RP1: variants seen among roughly 807,000 people sequenced by gnomAD.
The protein encoded by RP1 is RP1 axonemal microtubule associated.
Under a neutral mutation model 14.8 loss-of-function variants are expected in RP1, and 16 were observed. That is an observed-to-expected ratio of 1.08 (90% confidence interval 0.73 to 1.65). The LOEUF (loss-of-function observed/expected upper bound fraction) is 1.65, where lower values mean the gene tolerates loss of function less well. Ranked by LOEUF, RP1 falls within the 40% of genes most tolerant of loss-of-function variation. The pLI, the probability that RP1 is intolerant of heterozygous loss-of-function variation, is 0.00. For synonymous variants in RP1, 876 were observed against 883.6 expected (o/e 0.99, Z 0.15); for missense variants, 2,631 against 2,535.0 (o/e 1.04, Z -0.81).
At chr8:54,600,001 A>G (rs985461859) in intron 1 of RP1, among the ~76,000 whole-genome samples, 2 of 152,088 alleles carry the variant, frequency 1.3e-5, no homozygotes, top group Non-Finnish European at 2.9e-5. Context: ...GAGGAGGGGT[A>G]CACCTTATTA....
At position 54,649,072 on chromosome 8, in the gene RP1, A is replaced by C. The variant is rs561363224; in HGVS notation, c.875A>C (p.His292Pro). 5 of 1,532,764 alleles carry C rather than the reference A, an allele frequency of 3.3e-6. No individual in the cohort carries two copies. The South Asian group carries it at 4.8e-5, about 15-fold the overall frequency. The allele number at this position is 1,532,764 out of a possible 1,614,324, so 94.9% of individuals were successfully genotyped here. Residue 292 changes from histidine to proline, a missense_variant, in exon 4 of 23, where the codon CAT becomes CCT. Coordinates refer to the RP1 transcript ENST00000636932. ...ATTTATATTATTCTGTATGGACAAC[A>C]TAGAAGTTCAGCCCCCATATATCTT...
intron 1 of RP1, among the ~76,000 whole-genome samples, chr8:54,574,510 G>T (rs1804601918): frequency 6.6e-6 from 1 of 151,974 alleles, no homozygotes; most frequent in South Asian, 2.1e-4. Context: ...TAAGAGAGAG[G>T]CATAAAGGGG....
At chr8:54,580,300 CTTTTTTT>C (rs906806636) in intron 1 of RP1, among the ~76,000 whole-genome samples, 8 of 80,200 alleles carry the variant, frequency 1.0e-4, no homozygotes, top group Non-Finnish European at 1.4e-4. Flanking sequence ...TCGTAGACTT[CTTTTTTT>C]TTTTTTTTTT....
chr8:54,821,008 C>T (rs1389690712), intron 24 of RP1, among the ~76,000 whole-genome samples: 1 of 152,026 alleles, frequency 6.6e-6, no homozygotes, highest in Non-Finnish European at 1.5e-5. Flanking sequence ...AAACACAAAG[C>T]AGAATAAAAA....
intron 6 of RP1, among the ~76,000 whole-genome samples, chr8:54,660,294 A>G (rs909058659): frequency 6.6e-6 from 1 of 152,112 alleles, no homozygotes; most frequent in Non-Finnish European, 1.5e-5. Context: ...TTCATCAATA[A>G]GTATTGTGTT....
At chr8:54,658,550 C>CAA (rs755052184) in intron 6 of RP1, among the ~76,000 whole-genome samples, 889 of 80,980 alleles carry the variant, frequency 0.011, 26 homozygotes, top group African/African-American at 0.025. Context: ...GACTCCGTCT[C>CAA]AAAAAAAAAA....
chr8:54,764,091 C>T (rs373732031), intron 22 of RP1, among the ~76,000 whole-genome samples: 30 of 152,206 alleles, frequency 2.0e-4, no homozygotes, highest in African/African-American at 6.8e-4. Flanking sequence ...TCAGCACCTT[C>T]TTATTAATTG....
chr8:54,776,537 G>A (rs1810043441), intron 23 of RP1, among the ~76,000 whole-genome samples: 1 of 151,990 alleles, frequency 6.6e-6, no homozygotes, highest in African/African-American at 2.4e-5. Flanking sequence ...GATATGAGGG[G>A]GCATCCTGGA....
At chr8:54,651,592 G>C (rs1806655873) in intron 4 of RP1, among the ~76,000 whole-genome samples, 1 of 151,834 alleles carries the variant, frequency 6.6e-6, no homozygotes, top group Non-Finnish European at 1.5e-5. Context: ...TTTTATTTCT[G>C]TAAAGTCAAT....
At chr8:54,762,503 TA>T (rs1007830881) in intron 22 of RP1, among the ~76,000 whole-genome samples, 6 of 152,214 alleles carry the variant, frequency 3.9e-5, no homozygotes, top group African/African-American at 1.4e-4. Flanking sequence ...TTAATATAGA[TA>T]GGGGTATACA....
At chr8:54,682,324 G>A (rs1299925538) in intron 12 of RP1, among the ~76,000 whole-genome samples, 2 of 151,588 alleles carry the variant, frequency 1.3e-5, no homozygotes, top group African/African-American at 2.4e-5. Flanking sequence ...ATGTGCCTTG[G>A]TGGTTTGCTG....
chr8:54,631,539 C>CA (rs1381630151), downstream of RP1, among the ~76,000 whole-genome samples: 1 of 150,314 alleles, frequency 6.7e-6, no homozygotes, highest in African/African-American at 2.4e-5. Flanking sequence ...ACTTCCCCTG[C>CA]ATTTTTTTTT....
In RP1 at chr8:54,755,720, C is replaced by G. The variant is rs760548114; in HGVS notation, c.3043C>G (p.Leu1015Val). ...CTTTGGGGAGAGGGGAGACTCTGGC[C>G]TCAGACAGCTGTACAAATCTAACAT... The change falls in exon 21 of 23, where the codon CTC (leucine) becomes GTC (valine). Residue 1015 changes from leucine (L) to valine (V), a missense_variant. Physicochemically the swap from Leu to Val is conservative, Grantham distance 32. Transcript: ENST00000636932. 3 of 1,535,300 alleles carry G rather than the reference C, an allele frequency of 2.0e-6. No homozygotes were observed. The Admixed American group carries it at 5.9e-5, about 30-fold the overall frequency.
At chr8:54,684,733 CTTTTTTA>C (rs1247533177) in intron 12 of RP1, among the ~76,000 whole-genome samples, 1 of 151,858 alleles carries the variant, frequency 6.6e-6, no homozygotes, top group Non-Finnish European at 1.5e-5. Context: ...GCCTATTTTA[CTTTTTTA>C]TTTTTTAAGT....
intron 22 of RP1, chr8:54,759,095 A>G: frequency 2.0e-6 from 3 of 1,532,686 alleles, no homozygotes; most frequent in Non-Finnish European, 1.7e-6. Context: ...GGTCTCCAAG[A>G]TACTTCAAAA....
chr8:54,575,004 T>C (rs1156823836), intron 1 of RP1, among the ~76,000 whole-genome samples: 1 of 152,232 alleles, frequency 6.6e-6, no homozygotes, highest in Admixed American at 6.5e-5. Flanking sequence ...TCCACTGCCG[T>C]CAAGTACAGA....
chr8:54,648,886 G>C, intron 3 of RP1: 1 of 727,500 alleles, frequency 1.4e-6, no homozygotes, highest in Non-Finnish European at 2.0e-6. Context: ...AATAAGTTTT[G>C]TCTATCCTGA....
rs1392898198 is a variant in RP1, at chr8:54,621,102, C to A, written c.136C>A (p.Pro46Thr). ...AATCAGTTTCTACAAGAGCGGAGAC[C>A]CCCAATTCGGCGGGGTCAGGGTGGT... Reference protein sequence around the residue: ...KRISFYKSGDPQFGGVRVVVN... With the variant: ...KRISFYKSGDTQFGGVRVVVN... The change falls in exon 2 of 4, where the codon CCC becomes ACC. Residue 46 changes from proline (P) to threonine (T), a missense_variant. Pro to Thr is a conservative substitution (Grantham distance 38). Transcript: ENST00000220676. The A allele has an allele frequency of 2.5e-6, 4 of 1,614,150 alleles. No individual in the cohort carries two copies. Among genetic ancestry groups the A allele is most frequent in the South Asian group, 1.1e-5 (1 of 91,080 alleles).
At chr8:54,642,466 A>T (rs1329127166) in intron 3 of RP1, among the ~76,000 whole-genome samples, 3 of 152,132 alleles carry the variant, frequency 2.0e-5, no homozygotes, top group African/African-American at 7.2e-5. Context: ...CTAAACTTTA[A>T]ATGTGCATAG....
Sources: gnomAD v4.1 joint callset for allele counts (sites outside exome capture counted in the v4.1 genomes callset) on GRCh38, gnomAD v4.1.1 for gene constraint, MANE v1.5 for transcripts, NCBI Gene and HGNC (gene_info 2026-07-23, HGNC 2026-07-21) for gene names.